The following EYS variants were observed in gnomAD, a reference collection of about 807,000 sequenced individuals.
EYS encodes protein eyes shut homolog.
In EYS, 250 loss-of-function variants were observed where a neutral mutation model predicts 282.1. The ratio of observed to expected loss-of-function variants is 0.89; its 90% CI spans 0.80 to 0.98. The LOEUF (loss-of-function observed/expected upper bound fraction) is 0.98. Among genes scored for constraint, EYS ranks in the 50% least tolerant of loss-of-function variants. The pLI is 0.00. For missense variants in EYS, 4,016 were observed against 3,709.0 expected, an observed-to-expected ratio of 1.08 and a Z score of -2.15; for synonymous variants, 1,355 against 1,282.9, an observed-to-expected ratio of 1.06 and a Z score of -1.20.
At chr6:64,254,163 T>C (rs1355888683) in intron 30 of EYS, among the ~76,000 whole-genome samples, 1 of 152,098 alleles carries the variant, frequency 6.6e-6, no homozygotes, top group African/African-American at 2.4e-5. Flanking sequence ...TGCCTCACTG[T>C]ACCCATGTCT....
intron 5 of EYS, among the ~76,000 whole-genome samples, chr6:65,451,323 A>G (rs1439553202): frequency 6.6e-6 from 1 of 152,082 alleles, no homozygotes; most frequent in African/African-American, 2.4e-5. Flanking sequence ...TTGTTTATTT[A>G]CACCCCTCAC....
In EYS at chr6:63,923,886, C is replaced by G. The variant is rs553631209; in HGVS notation, c.7056-59528G>C. Among the ~76,000 whole-genome samples, 3 of 152,274 alleles carry G rather than the reference C, an allele frequency of 2.0e-5. No individual in the cohort carries two copies. In the East Asian group the frequency reaches 5.8e-4, roughly 29 times the overall value. The stretch of plus-strand genomic sequence containing the variant: ...GAATAATGTAAGCCTAACCTTTACT[C>G]TCCTTATAGACTCTGGCTGGTACCA... On this transcript the variant is annotated intron_variant, in intron 35 of 42. Coordinates refer to ENST00000503581, the MANE Select transcript of EYS (RefSeq NM_001142800.2).
intron 34 of EYS, among the ~76,000 whole-genome samples, chr6:63,992,959 C>T (rs561487441): frequency 6.6e-6 from 1 of 151,876 alleles, no homozygotes; most frequent in South Asian, 2.1e-4. Context: ...GTGAAAGCGG[C>T]AGTTCGCTTG....
At chr6:65,064,229 G>C (rs953998564) in intron 12 of EYS, among the ~76,000 whole-genome samples, 1 of 136,724 alleles carries the variant, frequency 7.3e-6, no homozygotes, top group Non-Finnish European at 1.5e-5. Flanking sequence ...ATATATGTAT[G>C]ATATATATAT....
chr6:65,642,232 C>T (rs949520955), intron 1 of EYS, among the ~76,000 whole-genome samples: 2 of 151,924 alleles, frequency 1.3e-5, no homozygotes, highest in Admixed American at 1.3e-4. Flanking sequence ...GTTTGTGTTT[C>T]GGTGGGTACA....
intron 21 of EYS, chr6:64,815,283 C>A (rs902886934): frequency 1.9e-4 from 75 of 403,564 alleles, no homozygotes; most frequent in African/African-American, 1.4e-3. Flanking sequence ...GTAGGTATTG[C>A]AGTTTTATTT....
At chr6:63,750,303 T>C (rs1582169629) in intron 41 of EYS, among the ~76,000 whole-genome samples, 1 of 152,216 alleles carries the variant, frequency 6.6e-6, no homozygotes, top group African/African-American at 2.4e-5. Context: ...TTTAGTCATG[T>C]TCTGCTGTTT....
At position 65,031,168 on chromosome 6, in the gene EYS, C is replaced by T. The variant is rs529667824; in HGVS notation, c.2137+26446G>A. 2.3e-3 allele frequency among the ~76,000 whole-genome samples: 313 copies of T among 137,030 alleles called. 2 individuals are homozygous for T. Among genetic ancestry groups the T allele is most frequent in the African/African-American group, 8.4e-3 (278 of 33,088 alleles). The allele number at this position is 137,030 out of a possible 152,430, so 89.9% of individuals were successfully genotyped here. On this transcript the variant is annotated intron_variant, in intron 13 of 42. Coordinates refer to ENST00000503581, the MANE Select transcript of EYS (RefSeq NM_001142800.2). Reference sequence around the variant, plus strand: ...TTATATATATATATATACACACACACGCACATACACACACACACACACATA... The same window carrying T: ...TTATATATATATATATACACACACATGCACATACACACACACACACACATA...
At chr6:64,893,145 A>G (rs896772112) in intron 18 of EYS, among the ~76,000 whole-genome samples, 2 of 152,122 alleles carry the variant, frequency 1.3e-5, no homozygotes, top group African/African-American at 4.8e-5. Context: ...TTGAAAAGAC[A>G]TTAGTTGCAT....
intron 28 of EYS, among the ~76,000 whole-genome samples, chr6:64,427,295 C>T (rs986373355): frequency 2.0e-5 from 3 of 152,038 alleles, no homozygotes; most frequent in Non-Finnish European, 4.4e-5. Context: ...ATTAAAGCAA[C>T]ATGCAAGGTC....
intron 35 of EYS, among the ~76,000 whole-genome samples, chr6:63,947,488 T>C (rs1169277780): frequency 6.6e-6 from 1 of 152,116 alleles, no homozygotes; most frequent in Non-Finnish European, 1.5e-5. Flanking sequence ...TTGATTGAAT[T>C]ATTTGAAGGA....
intron 5 of EYS, among the ~76,000 whole-genome samples, chr6:65,430,960 T>G (rs1415641208): frequency 6.6e-6 from 1 of 152,088 alleles, no homozygotes; most frequent in Non-Finnish European, 1.5e-5. Context: ...ATTACCAACC[T>G]TGGTGGCCAT....
At chr6:64,551,160 A>G (rs944250414) in intron 26 of EYS, among the ~76,000 whole-genome samples, 1 of 149,580 alleles carries the variant, frequency 6.7e-6, no homozygotes, top group Non-Finnish European at 1.5e-5. Context: ...ATATACATAT[A>G]TGTGTATATA....
intron 42 of EYS, among the ~76,000 whole-genome samples, chr6:63,725,627 A>G (rs1561996374): frequency 6.6e-6 from 1 of 152,086 alleles, no homozygotes; most frequent in Non-Finnish European, 1.5e-5. Context: ...TTATAGCTCA[A>G]TTGTACTTTT....
intron 31 of EYS, among the ~76,000 whole-genome samples, chr6:64,151,474 C>T (rs1774734258): frequency 6.7e-6 from 1 of 150,172 alleles, no homozygotes; most frequent in Admixed American, 6.6e-5. Flanking sequence ...GATTCTTGTG[C>T]CTCAGCCTCC....
intron 14 of EYS, among the ~76,000 whole-genome samples, chr6:64,952,866 T>C (rs1769561542): frequency 6.6e-6 from 1 of 152,004 alleles, no homozygotes; most frequent in African/African-American, 2.4e-5. Flanking sequence ...AGAAACTTTC[T>C]TTACTTTGTT....
intron 40 of EYS, among the ~76,000 whole-genome samples, chr6:63,773,612 A>G (rs1452443697): frequency 6.6e-6 from 1 of 152,246 alleles, no homozygotes; most frequent in African/African-American, 2.4e-5. Flanking sequence ...ACCAGGAAAC[A>G]TTTTGAGCAG....
chr6:64,085,499 A>G (rs1266126504), intron 31 of EYS, among the ~76,000 whole-genome samples: 1 of 152,118 alleles, frequency 6.6e-6, no homozygotes, highest in Non-Finnish European at 1.5e-5. Context: ...TGGGGAGTGA[A>G]GTCCACAAGA....
rs559862931 is a variant in EYS, at chr6:65,689,842, A to G, written c.-448+17293T>C. Among the ~76,000 whole-genome samples the G allele has an allele frequency of 7.5e-4, 113 of 149,910 alleles. 2 individuals are homozygous for G. Among genetic ancestry groups the G allele is most frequent in the African/African-American group, 2.6e-3 (108 of 41,250 alleles). On this transcript the variant is annotated intron_variant, in intron 1 of 42. Coordinates refer to ENST00000503581, the MANE Select transcript of EYS (RefSeq NM_001142800.2). ...GATCTGGCCAGCAGCCCTCAATGCA[A>G]TGGGGATCTCTCTTTGTTCCCAGAC... is the stretch of plus-strand genomic sequence containing the variant.
Sources: allele counts gnomAD v4.1 joint callset (sites outside exome capture counted in the v4.1 genomes callset), GRCh38; gene constraint gnomAD v4.1.1; transcripts MANE v1.5; gene names NCBI Gene and HGNC (gene_info 2026-07-23, HGNC 2026-07-21).